SLC24A2: variants seen among roughly 807,000 people sequenced by gnomAD.
SLC24A2 encodes solute carrier family 24 member 2.
A neutral mutation model predicts 62.0 loss-of-function variants in SLC24A2; 36 were observed. The observed-to-expected ratio is 0.58, with a 90% CI of 0.44 to 0.77. The LOEUF (loss-of-function observed/expected upper bound fraction) is 0.77. SLC24A2 is among the 30% of genes least tolerant of loss of function. The pLI, the probability that SLC24A2 is intolerant of heterozygous loss-of-function variation, is 0.00. For synonymous variants in SLC24A2, 358 were observed against 294.0 expected (o/e 1.22, Z -2.23); for missense variants, 846 against 817.9 (o/e 1.03, Z -0.42).
At chr9:19,737,582 A>T (rs1821546908) in intron 2 of SLC24A2, among the ~76,000 whole-genome samples, 1 of 152,116 alleles carries the variant, frequency 6.6e-6, no homozygotes, top group Admixed American at 6.6e-5. Context: ...TTAAAAAATA[A>T]AATGCAATTG....
the SLC24A2 span, among the ~76,000 whole-genome samples, chr9:20,173,546 C>T: frequency 2.6e-4 from 40 of 151,996 alleles, no homozygotes; most frequent in African/African-American, 6.8e-4. Context: ...AGTGACCAAG[C>T]TGAGAATCAA....
the SLC24A2 span, among the ~76,000 whole-genome samples, chr9:20,246,747 A>C: frequency 6.6e-6 from 1 of 152,192 alleles, no homozygotes; most frequent in South Asian, 2.1e-4. Context: ...TCCTTCAGCA[A>C]CTGCAGTTGT....
At chr9:20,160,237 C>T in the SLC24A2 span, among the ~76,000 whole-genome samples, 3 of 151,368 alleles carry the variant, frequency 2.0e-5, no homozygotes, top group South Asian at 4.1e-4. Flanking sequence ...TGTCAATGAA[C>T]ATTTAACAGT....
At chr9:19,866,825 C>G in the SLC24A2 span, among the ~76,000 whole-genome samples, 1 of 151,308 alleles carries the variant, frequency 6.6e-6, no homozygotes, top group Non-Finnish European at 1.5e-5. Flanking sequence ...TTAGTAGAGA[C>G]GGGGTCACTT....
chr9:19,888,874 T>C, the SLC24A2 span, among the ~76,000 whole-genome samples: 2 of 152,132 alleles, frequency 1.3e-5, no homozygotes, highest in East Asian at 3.9e-4. Context: ...ATGAGGACAA[T>C]CTGGAATCCA....
intron 2 of SLC24A2, among the ~76,000 whole-genome samples, chr9:19,661,067 AG>A (rs1819084197): frequency 6.6e-6 from 1 of 152,160 alleles, no homozygotes; most frequent in South Asian, 2.1e-4. Context: ...AAATACTTAC[AG>A]GCCTTGCATA....
At chr9:20,201,092 C>T in the SLC24A2 span, among the ~76,000 whole-genome samples, 49 of 152,318 alleles carry the variant, frequency 3.2e-4, no homozygotes, top group African/African-American at 9.9e-4. Context: ...CTGTCTCCTT[C>T]AAGTACACAG....
chr9:19,518,272 A>G (rs16937586), intron 10 of SLC24A2, among the ~76,000 whole-genome samples: 2,380 of 152,292 alleles, frequency 0.016, 69 homozygotes, highest in African/African-American at 0.055. Flanking sequence ...GAAAATAGCC[A>G]TAATATAATT....
chr9:19,711,489 T>C (rs1320648202), intron 2 of SLC24A2, among the ~76,000 whole-genome samples: 2 of 152,160 alleles, frequency 1.3e-5, no homozygotes, highest in African/African-American at 4.8e-5. Flanking sequence ...TACCAAAAGC[T>C]TAAAAAAATT....
chr9:19,843,574 T>G, the SLC24A2 span, among the ~76,000 whole-genome samples: 1 of 152,198 alleles, frequency 6.6e-6, no homozygotes, highest in African/African-American at 2.4e-5. Flanking sequence ...ATTTGTTGTG[T>G]GGGTATGTTG....
At chr9:19,934,504 G>A in the SLC24A2 span, among the ~76,000 whole-genome samples, 1 of 151,868 alleles carries the variant, frequency 6.6e-6, no homozygotes, top group African/African-American at 2.4e-5. This position sits in a 1 kb window ranked among gnomAD's most constrained non-coding sequence, Gnocchi z 4.1. Flanking sequence ...CCAGGTCCCC[G>A]CGCACCCCCG....
At chr9:19,892,485 T>A in the SLC24A2 span, among the ~76,000 whole-genome samples, 1 of 152,216 alleles carries the variant, frequency 6.6e-6, no homozygotes, top group Admixed American at 6.5e-5. Flanking sequence ...GCCTCACAAG[T>A]GCTCTATAAA....
chr9:20,176,610 C>G, the SLC24A2 span, among the ~76,000 whole-genome samples: 1 of 152,100 alleles, frequency 6.6e-6, no homozygotes, highest in African/African-American at 2.4e-5. Flanking sequence ...AAGTGCCAAC[C>G]ATAGACACCG....
chr9:20,100,392 ATC>A, the SLC24A2 span, among the ~76,000 whole-genome samples: 5 of 152,090 alleles, frequency 3.3e-5, no homozygotes, highest in Non-Finnish European at 7.4e-5. Flanking sequence ...CAGCTTAAAT[ATC>A]TCTTTCTCAG....
At chr9:20,061,629 G>A in the SLC24A2 span, among the ~76,000 whole-genome samples, 2 of 152,114 alleles carry the variant, frequency 1.3e-5, no homozygotes, top group Non-Finnish European at 2.9e-5. Flanking sequence ...AATTCAATGA[G>A]GAAAGGATAG....
chr9:20,070,212 C>G, the SLC24A2 span, among the ~76,000 whole-genome samples: 41 of 151,958 alleles, frequency 2.7e-4, no homozygotes, highest in African/African-American at 9.2e-4. Context: ...GTGTACAATT[C>G]CTAACTTACT....
At chr9:19,783,051 G>A (rs975626487) in intron 2 of SLC24A2, among the ~76,000 whole-genome samples, 1 of 152,152 alleles carries the variant, frequency 6.6e-6, no homozygotes, top group Non-Finnish European at 1.5e-5. Context: ...AATGAGATGA[G>A]AAACTGTTGC....
chr9:20,181,377 T>A, the SLC24A2 span, among the ~76,000 whole-genome samples: 9 of 152,284 alleles, frequency 5.9e-5, 1 homozygote, highest in South Asian at 1.9e-3. Context: ...GGTAGATGAC[T>A]TCAAACTATG....
In SLC24A2 at chr9:19,616,823, A is replaced by G. The variant is rs535639952; in HGVS notation, c.1078+2761T>C. On this transcript the variant is annotated intron_variant, in intron 4 of 10. Coordinates refer to ENST00000341998, the MANE Select transcript of SLC24A2 (RefSeq NM_020344.4). ...TGGCAGATGAGGATTGGGAACCCTG[A>G]TTTATGCTGAATGGTCAGGAAGTAT... Among the ~76,000 whole-genome samples, 7 of 152,226 alleles carry G rather than the reference A, an allele frequency of 4.6e-5. No individual in the cohort carries two copies. In the South Asian group the frequency reaches 1.5e-3, roughly 32 times the overall value.
Sources: allele counts gnomAD v4.1 joint callset (sites outside exome capture counted in the v4.1 genomes callset), GRCh38; gene constraint gnomAD v4.1.1; non-coding constraint Gnocchi (gnomAD v3.1); transcripts MANE v1.5; gene names NCBI Gene and HGNC (gene_info 2026-07-23, HGNC 2026-07-21).